The following MARCHF6 variants were observed in gnomAD, a reference collection of about 807,000 sequenced individuals.
The protein encoded by MARCHF6 is E3 ubiquitin-protein ligase MARCHF6.
A neutral mutation model predicts 133.7 loss-of-function variants in MARCHF6; 31 were observed. That is an observed-to-expected ratio of 0.23 (90% CI 0.17 to 0.31). The LOEUF is 0.31. Among genes scored for constraint, MARCHF6 ranks in the 10% least tolerant of loss-of-function variants. The pLI is 1.00. For missense variants in MARCHF6, 723 were observed against 1,121.6 expected (o/e 0.64, Z 5.08); for synonymous variants, 395 against 402.5 (o/e 0.98, Z 0.22).
At chr5:10,427,138 C>G (rs1479340492) in intron 24 of MARCHF6, among the ~76,000 whole-genome samples, 1 of 152,196 alleles carries the variant, frequency 6.6e-6, no homozygotes, top group South Asian at 2.1e-4. Flanking sequence ...CTTATTCTGT[C>G]CTCCATGTCC....
chr5:10,383,272 A>G (rs1737262331), intron 4 of MARCHF6, among the ~76,000 whole-genome samples: 1 of 152,196 alleles, frequency 6.6e-6, no homozygotes. Flanking sequence ...ATATTGACAA[A>G]TGGAGGCTAG....
At chr5:10,390,178 G>T (rs1448012134) in intron 5 of MARCHF6, among the ~76,000 whole-genome samples, 154 bp from the exon 6 acceptor site, 1 of 150,344 alleles carries the variant, frequency 6.7e-6, no homozygotes, top group Non-Finnish European at 1.5e-5. Flanking sequence ...TAGTTCTTTT[G>T]GAGAAACTTG....
At chr5:10,378,023 C>A in intron 2 of MARCHF6, 129 bp downstream of exon 2, 1 of 577,760 alleles carries the variant, frequency 1.7e-6, no homozygotes, top group Non-Finnish European at 3.0e-6. Context: ...TTCCTGAGCA[C>A]AGGAAACTGA....
At chr5:10,417,927 C>T (rs187990405) in intron 22 of MARCHF6, among the ~76,000 whole-genome samples, 1 of 151,936 alleles carries the variant, frequency 6.6e-6, no homozygotes, top group East Asian at 1.9e-4. Flanking sequence ...TGTTACTAAC[C>T]ATTTAGTCTT....
Position 10,429,952 on chromosome 5 carries a change from G to T in MARCHF6, c.2566G>T (p.Val856Phe), listed in dbSNP as rs1740285410. The T allele has an allele frequency of 3.7e-6, 6 of 1,613,726 alleles. No individual in the cohort carries two copies. Among genetic ancestry groups the T allele is most frequent in the Non-Finnish European group, 5.1e-6 (6 of 1,179,666 alleles). The stretch of plus-strand genomic sequence containing the variant: ...GCGGATTTATCCATTTTTACTGATG[G>T]TCGTGGTATTGATGGCAATTTTGTC... ...HRRIYPFLLM[V>F]VVLMAILSFQ... The change falls in exon 25 of 26, where the codon GTC becomes TTC. Residue 856 changes from valine (V) to phenylalanine (F), a missense_variant. Around this residue, in one of 4 missense-constraint regions of MARCHF6, gnomAD observed 492 missense variants for 699.5 expected, o/e 0.70. Coordinates refer to ENST00000274140, the MANE Select transcript of MARCHF6 (RefSeq NM_005885.4).
rs1042155468 is a variant in MARCHF6, at chr5:10,438,686, G to A, written c.*5002G>A. On this transcript the variant is annotated 3_prime_UTR_variant, in exon 26 of 26. Coordinates refer to ENST00000274140, the MANE Select transcript of MARCHF6 (RefSeq NM_005885.4). The stretch of plus-strand genomic sequence containing the variant: ...GTACTGTAGTTGAATGAGGTATGAT[G>A]TCTCCCTTCAAGGAACTCAGAATGG... 6.6e-6 allele frequency: 1 copy of A among 152,112 alleles called. No individual in the cohort carries two copies. Among genetic ancestry groups the A allele is most frequent in the African/African-American group, 2.4e-5 (1 of 41,396 alleles). The allele number at this position is 152,112 out of a possible 1,614,324, so 9.4% of individuals were successfully genotyped here. A position where few individuals can be genotyped will look rare whatever the true frequency, so the allele number is the denominator to read the frequency against.
At chr5:10,405,341 G>C (rs1738818723) in intron 15 of MARCHF6, among the ~76,000 whole-genome samples, 1 of 151,784 alleles carries the variant, frequency 6.6e-6, no homozygotes, top group Non-Finnish European at 1.5e-5. Context: ...CGCCCCTAGT[G>C]AATGATGATG....
At chr5:10,431,683 T>A (rs1740382965) in intron 25 of MARCHF6, among the ~76,000 whole-genome samples, 1 of 151,716 alleles carries the variant, frequency 6.6e-6, no homozygotes, top group Non-Finnish European at 1.5e-5. Flanking sequence ...TGGGCTTGAG[T>A]ATGAGAGAGT....
intron 1 of MARCHF6, among the ~76,000 whole-genome samples, chr5:10,366,450 G>T (rs180712614): frequency 1.1e-3 from 164 of 152,240 alleles, no homozygotes; most frequent in Middle Eastern, 3.4e-3. Context: ...GATGAACAAG[G>T]TCAACATTAA....
In MARCHF6 at chr5:10,413,769, C is replaced by T. The variant is rs564623851; in HGVS notation, c.1897-664C>T. Among the ~76,000 whole-genome samples, 25 of 152,198 alleles carry T rather than the reference C, an allele frequency of 1.6e-4. No individual in the cohort carries two copies. In the East Asian group the frequency reaches 2.1e-3, roughly 13 times the overall value. Reference sequence around the variant, plus strand: ...AGATCTGGTGGGACTTAATTCACTACCAGGAGAACAGTATGGGGGAAACTG... The same window carrying T: ...AGATCTGGTGGGACTTAATTCACTATCAGGAGAACAGTATGGGGGAAACTG... On this transcript the variant is annotated intron_variant, in intron 19 of 25. Coordinates refer to ENST00000274140, the MANE Select transcript of MARCHF6 (RefSeq NM_005885.4).
chr5:10,380,430 T>G (rs773852506), intron 3 of MARCHF6, among the ~76,000 whole-genome samples: 7 of 152,172 alleles, frequency 4.6e-5, no homozygotes, highest in Non-Finnish European at 1.0e-4. Context: ...TTCATGAAAT[T>G]CAGTTGATAG....
rs1161975737 is a variant in MARCHF6 at position 10,440,044 on chromosome 5, C to T, written c.*6360C>T. 3 of 152,188 alleles carry T rather than the reference C, an allele frequency of 2.0e-5. No homozygotes were observed. The highest frequency in any genetic ancestry group is 4.4e-5 in the Non-Finnish European group (3 of 68,038). The allele number at this position is 152,188 out of a possible 1,614,324, so 9.4% of individuals were successfully genotyped here. Reference sequence around the variant, plus strand: ...ATCTCCCTGCTGTATTTTGTACTCCCGGCTCTCTTTTGTACTTTTAAACAT... The same window carrying T: ...ATCTCCCTGCTGTATTTTGTACTCCTGGCTCTCTTTTGTACTTTTAAACAT... On this transcript the variant is annotated 3_prime_UTR_variant, in exon 26 of 26. Transcript: ENST00000274140.
intron 1 of MARCHF6, among the ~76,000 whole-genome samples, chr5:10,362,217 T>C (rs1735871457): frequency 6.6e-6 from 1 of 152,258 alleles, no homozygotes; most frequent in African/African-American, 2.4e-5. Flanking sequence ...AAATAGAATA[T>C]TGGAGATTCC....
chr5:10,362,430 A>G (rs1735883296), intron 1 of MARCHF6, among the ~76,000 whole-genome samples: 1 of 152,230 alleles, frequency 6.6e-6, no homozygotes, highest in African/African-American at 2.4e-5. Context: ...CTTTGTCCCA[A>G]GACCCCTTTA....
At position 10,381,882 on chromosome 5, in the gene MARCHF6, A is replaced by G. The variant is rs757920156; in HGVS notation, c.273A>G (p.Arg91=). 1.2e-6 allele frequency: 2 copies of G among 1,612,856 alleles called. No individual in the cohort carries two copies. Among genetic ancestry groups the G allele is most frequent in the Non-Finnish European group, 1.7e-6 (2 of 1,179,108 alleles). The change falls in exon 4 of 26, where the codon CGA becomes CGG. Residue 91 remains arginine, a synonymous_variant. Transcript: ENST00000274140. ...GLVTSIGTAI[R]YWFHYTLVAF... ...TTACAAGTATTGGCACTGCAATACG[A>G]TATTGGTTTCATTATACACTTGTGG... is the stretch of plus-strand genomic sequence containing the variant.
At chr5:10,416,131 C>T (rs1237523034) in intron 21 of MARCHF6, among the ~76,000 whole-genome samples, 1 of 152,146 alleles carries the variant, frequency 6.6e-6, no homozygotes, top group African/African-American at 2.4e-5. Flanking sequence ...CCTTACTGGA[C>T]ACTTTGTAAC....
At chr5:10,358,565 AATT>A (rs1735622370) in intron 1 of MARCHF6, among the ~76,000 whole-genome samples, 1 of 152,194 alleles carries the variant, frequency 6.6e-6, no homozygotes, top group African/African-American at 2.4e-5. Flanking sequence ...TTTATGTTAT[AATT>A]ATTCTAAGTA....
rs908208411 is a variant in MARCHF6 at position 10,400,920 on chromosome 5, A to T, written c.972+78A>T. ...TTATTAATAAAATAGTATTCTAAAGAGTTACATCATTTCTTCATTGGCATT... is the reference window on the plus strand; with the variant it reads ...TTATTAATAAAATAGTATTCTAAAGTGTTACATCATTTCTTCATTGGCATT... On this transcript the variant is annotated intron_variant, in intron 11 of 25. Transcript: ENST00000274140. 17 of 1,137,328 alleles carry T rather than the reference A, an allele frequency of 1.5e-5. No individual in the cohort carries two copies. In the African/African-American group the frequency reaches 2.6e-4, roughly 18 times the overall value. 70.5% of individuals were successfully genotyped at this position (1,137,328 alleles called of 1,614,324 possible).
chr5:10,430,998 G>A (rs1469013018), intron 25 of MARCHF6, among the ~76,000 whole-genome samples: 2 of 152,138 alleles, frequency 1.3e-5, no homozygotes, highest in Admixed American at 6.5e-5. Context: ...CATCTCAGTC[G>A]GCCAAGAGAG....
Sources: allele counts gnomAD v4.1 joint callset (sites outside exome capture counted in the v4.1 genomes callset), GRCh38; gene constraint gnomAD v4.1.1; regional missense constraint gnomAD v4.1.1; transcripts MANE v1.5; gene names NCBI Gene and HGNC (gene_info 2026-07-23, HGNC 2026-07-21).